The following CCDC144A variants were observed in gnomAD, a reference collection of about 807,000 sequenced individuals.
CCDC144A encodes the protein coiled-coil domain-containing protein 144A.
In CCDC144A, 41 loss-of-function variants were observed where a neutral mutation model predicts 143.8. The observed-to-expected ratio is 0.29, with a 90% CI of 0.22 to 0.37. CCDC144A has a LOEUF of 0.37. CCDC144A is among the 10% of genes least tolerant of loss of function. CCDC144A has a pLI of 1.00. For synonymous variants in CCDC144A, 242 were observed against 517.9 expected, an observed-to-expected ratio of 0.47 and a Z score of 7.23; for missense variants, 637 against 1,488.8, an observed-to-expected ratio of 0.43 and a Z score of 9.41.
At chr17:16,771,107 TA>T (rs1021103016) in intron 15 of CCDC144A, among the ~76,000 whole-genome samples, 5 of 151,948 alleles carry the variant, frequency 3.3e-5, no homozygotes, top group Admixed American at 2.6e-4. Context: ...ATACCTATTC[TA>T]AAAAAAAATT....
At chr17:16,769,249 G>C (rs1451378758) in intron 15 of CCDC144A, among the ~76,000 whole-genome samples, 8 of 152,158 alleles carry the variant, frequency 5.3e-5, no homozygotes, top group Non-Finnish European at 1.0e-4. Context: ...TGTGTGCTTT[G>C]CCCAAATTCA....
the CCDC144A span, among the ~76,000 whole-genome samples, chr17:16,684,399 T>C: frequency 6.6e-5 from 10 of 152,136 alleles, no homozygotes; most frequent in Non-Finnish European, 1.5e-4. Flanking sequence ...CTCACGCCTG[T>C]AGTCCCAGCA....
At chr17:16,688,134 C>G (rs1000714163), upstream of CCDC144A, among the ~76,000 whole-genome samples, 1 of 151,594 alleles carries the variant, frequency 6.6e-6, no homozygotes, top group Admixed American at 6.6e-5. Flanking sequence ...TTTCAAAGTG[C>G]CACCCTTAAA....
intron 12 of CCDC144A, chr17:16,746,773 C>G (rs1001868492): frequency 1.3e-6 from 2 of 1,591,154 alleles, no homozygotes; most frequent in Non-Finnish European, 1.7e-6. Context: ...GCGGGGAGCG[C>G]GCGGCCGTTC....
the CCDC144A span, chr17:16,684,153 G>A: frequency 3.4e-6 from 4 of 1,186,612 alleles, no homozygotes; most frequent in African/African-American, 6.0e-5. Context: ...TGGAAGACAA[G>A]TGCAGGGAAA....
chr17:16,686,331 A>G (rs1331005747), upstream of CCDC144A, among the ~76,000 whole-genome samples: 1 of 152,072 alleles, frequency 6.6e-6, no homozygotes, highest in Non-Finnish European at 1.5e-5. Context: ...GTTGCCAGTG[A>G]CTGTGGCCAA....
chr17:16,695,718 G>A (rs1018214547), intron 2 of CCDC144A, among the ~76,000 whole-genome samples: 30 of 151,060 alleles, frequency 2.0e-4, no homozygotes, highest in Admixed American at 6.6e-4. Flanking sequence ...CTCTGGAACC[G>A]TATAGTGATC....
At chr17:16,709,758 G>A in intron 5 of CCDC144A, 123 bp downstream of exon 5, 1 of 1,377,000 alleles carries the variant, frequency 7.3e-7, no homozygotes. Context: ...GTAATTGTGT[G>A]TAGAAACAGA....
At chr17:16,744,060 A>G (rs1914379525) in intron 12 of CCDC144A, among the ~76,000 whole-genome samples, 1 of 152,192 alleles carries the variant, frequency 6.6e-6, no homozygotes, top group African/African-American at 2.4e-5. Flanking sequence ...TATATGTGCT[A>G]CATTTTCTTA....
At chr17:16,707,694 A>G (rs1437062843) in intron 4 of CCDC144A, among the ~76,000 whole-genome samples, 152 bp downstream of exon 4, 4 of 152,212 alleles carry the variant, frequency 2.6e-5, no homozygotes, top group African/African-American at 9.6e-5. Flanking sequence ...AAATACATTT[A>G]AACTAGTTAT....
chr17:16,711,135 T>TAAAAA (rs1912384837), intron 5 of CCDC144A, among the ~76,000 whole-genome samples: 10 of 10,074 alleles, frequency 9.9e-4, no homozygotes, highest in African/African-American at 3.6e-3. Flanking sequence ...AGGATTCAAA[T>TAAAAA]GAAAAAAAAA....
At chr17:16,755,523 G>A (rs1158764739) in intron 12 of CCDC144A, among the ~76,000 whole-genome samples, 1 of 152,128 alleles carries the variant, frequency 6.6e-6, no homozygotes, top group Non-Finnish European at 1.5e-5. Flanking sequence ...CATTCCTTCA[G>A]GTTTTGCTTG....
rs3869485 is a variant in CCDC144A at position 16,759,831 on chromosome 17, C to T, written c.3373-1594C>T. The stretch of plus-strand genomic sequence containing the variant: ...GTATCAGTTATTTCTTGGTATATAA[C>T]AAAATGCAGTGTCTCAAAACAACAT... On this transcript the variant is annotated intron_variant, in intron 12 of 16. Transcript: ENST00000399273. Among the ~76,000 whole-genome samples the T allele has an allele frequency of 4.0e-5, 6 of 151,468 alleles. 1 individual carries two copies. The highest frequency in any genetic ancestry group is 3.9e-4 in the Admixed American group (6 of 15,198).
At chr17:16,670,117 G>T in the CCDC144A span, among the ~76,000 whole-genome samples, 2 of 151,664 alleles carry the variant, frequency 1.3e-5, no homozygotes, top group Non-Finnish European at 2.9e-5. Flanking sequence ...GGAGGCAGAG[G>T]TTGCAGTGAG....
intron 12 of CCDC144A, among the ~76,000 whole-genome samples, 188 bp from the exon 13 acceptor site, chr17:16,761,237 C>T (rs1915347327): frequency 1.3e-5 from 2 of 151,684 alleles, no homozygotes; most frequent in African/African-American, 4.9e-5. Context: ...ACTCCAGCTA[C>T]GCAGGAGAAT....
In CCDC144A at chr17:16,763,878, T is replaced by C. The variant is rs1184226478; in HGVS notation, c.3888-87T>C. 2.2e-6 allele frequency: 3 copies of C among 1,363,438 alleles called. No homozygotes were observed. The African/African-American group carries it at 4.5e-5, about 20-fold the overall frequency. 84.5% of individuals were successfully genotyped at this position (1,363,438 alleles called of 1,614,324 possible). ...TATGGTATATTCCATTTACTCTTAA[T>C]GGCAACTTTTAGAACAATCGAAGTC... is the stretch of plus-strand genomic sequence containing the variant. On this transcript the variant is annotated intron_variant, in intron 14 of 16. Transcript: ENST00000399273.
chr17:16,682,812 T>G, the CCDC144A span, among the ~76,000 whole-genome samples: 38 of 151,540 alleles, frequency 2.5e-4, 2 homozygotes, highest in South Asian at 7.6e-3. Context: ...AGAGCAATTT[T>G]GTTGTAGTGA....
the CCDC144A span, among the ~76,000 whole-genome samples, chr17:16,671,630 T>C: frequency 6.6e-6 from 1 of 152,032 alleles, no homozygotes; most frequent in African/African-American, 2.4e-5. Context: ...CTATGATTAA[T>C]AAAATATATG....
chr17:16,758,197 C>A (rs963900316), intron 12 of CCDC144A, among the ~76,000 whole-genome samples: 147 of 151,654 alleles, frequency 9.7e-4, no homozygotes, highest in African/African-American at 3.4e-3. Flanking sequence ...AGATTTCTAC[C>A]ACTTGAAAAA....
Sources: gnomAD v4.1 joint callset for allele counts (sites outside exome capture counted in the v4.1 genomes callset) on GRCh38, gnomAD v4.1.1 for gene constraint, MANE v1.5 for transcripts, NCBI Gene and HGNC (gene_info 2026-07-23, HGNC 2026-07-21) for gene names.